Variants in EFHB observed in about 807,000 individuals in gnomAD.
EFHB encodes EF-hand domain family member B, also known as EF-hand domain-containing family member B.
EFHB carries 91 observed loss-of-function variants against 87.2 expected under a neutral mutation model. That is an observed-to-expected ratio of 1.04 (90% CI 0.88 to 1.24). The LOEUF (loss-of-function observed/expected upper bound fraction) is 1.24, where lower values mean the gene tolerates loss of function less well. Among genes scored for constraint, EFHB ranks in the 50% most tolerant of loss-of-function variants. EFHB has a pLI of 0.00. For missense variants in EFHB, 1,084 were observed against 998.8 expected, an observed-to-expected ratio of 1.09 and a Z score of -1.15; for synonymous variants, 325 against 333.6, an observed-to-expected ratio of 0.97 and a Z score of 0.28.
intron 1 of EFHB, among the ~76,000 whole-genome samples, chr3:19,924,202 T>TTC (rs1226276720): frequency 1.3e-5 from 2 of 151,896 alleles, no homozygotes; most frequent in Non-Finnish European, 2.9e-5. Context: ...AAGTTTTCTT[T>TTC]TCTCTCTCTC....
intron 5 of EFHB, among the ~76,000 whole-genome samples, chr3:19,907,147 A>T (rs939521746): frequency 6.6e-6 from 1 of 152,164 alleles, no homozygotes; most frequent in African/African-American, 2.4e-5. Flanking sequence ...GATGTCTTAG[A>T]TACAAAAGCT....
In EFHB at chr3:19,943,537, A is replaced by C. The variant is rs77513148; in HGVS notation, c.-32+3382T>G. Among the ~76,000 whole-genome samples, 187 of 152,308 alleles carry C rather than the reference A, an allele frequency of 1.2e-3. 6 individuals carry two copies. In the East Asian group the frequency reaches 0.034, roughly 28 times the overall value. ...GAATACAGTTAGCCCTCTGTATTCC[A>C]TCGAAAGTATTTGAGTTAAAAAATG... On this transcript the variant is annotated intron_variant, in intron 1 of 14. Transcript: ENST00000344838.
intron 12 of EFHB, among the ~76,000 whole-genome samples, chr3:19,881,806 G>C (rs1209041447): frequency 6.6e-6 from 1 of 152,074 alleles, no homozygotes; most frequent in East Asian, 1.9e-4. Context: ...CTCCAGCTAT[G>C]AAGGTTCTGA....
chr3:19,921,458 G>A (rs537584864), intron 1 of EFHB, among the ~76,000 whole-genome samples: 24 of 152,122 alleles, frequency 1.6e-4, no homozygotes, highest in Admixed American at 1.2e-3. Context: ...TGAATTATTA[G>A]ACTCCAGTTT....
intron 8 of EFHB, among the ~76,000 whole-genome samples, chr3:19,897,302 T>C (rs765044450): frequency 6.6e-5 from 10 of 152,238 alleles, no homozygotes; most frequent in Non-Finnish European, 1.5e-4. Flanking sequence ...GAGTTTCCAG[T>C]TGGCCGTCAG....
chr3:19,883,784 A>G (rs540588791), intron 11 of EFHB, among the ~76,000 whole-genome samples: 1 of 152,360 alleles, frequency 6.6e-6, no homozygotes, highest in South Asian at 2.1e-4. Context: ...ATGAAGGCAG[A>G]GATCAGGGTG....
At chr3:19,907,271 T>C (rs1250101565) in intron 5 of EFHB, among the ~76,000 whole-genome samples, 1 of 151,910 alleles carries the variant, frequency 6.6e-6, no homozygotes, top group Non-Finnish European at 1.5e-5. Flanking sequence ...GGGAAAAAAA[T>C]ATTTGCAAAC....
At chr3:19,889,622 G>T (rs1439451368) in intron 9 of EFHB, among the ~76,000 whole-genome samples, 1 of 152,156 alleles carries the variant, frequency 6.6e-6, no homozygotes, top group Admixed American at 6.5e-5. Flanking sequence ...CAGACCCACA[G>T]CCCTGGAAAA....
In EFHB at chr3:19,898,796, G is replaced by C; in HGVS notation, c.1552C>G (p.Leu518Val). Residue 518 changes from leucine (L) to valine (V), a missense_variant, in exon 8 of 13, where the codon CTC becomes GTC. Physicochemically the swap from Leu to Val is conservative, Grantham distance 32. Transcript: ENST00000295824. Reference protein sequence around the residue: ...VPPDCTFGACLRPEEYGVGDL... With the variant: ...VPPDCTFGACVRPEEYGVGDL... ...TATTTACCATATTCCTCAGGACGGA[G>C]ACAAGCTCCAAATGTGCAGTCTGGG... 6.2e-7 allele frequency: 1 copy of C among 1,613,754 alleles called. No homozygotes were observed. Among genetic ancestry groups the C allele is most frequent in the African/African-American group, 1.3e-5 (1 of 75,050 alleles).
intron 4 of EFHB, among the ~76,000 whole-genome samples, chr3:19,916,925 C>T (rs1008666613): frequency 6.6e-6 from 1 of 152,128 alleles, no homozygotes; most frequent in Non-Finnish European, 1.5e-5. Flanking sequence ...GAACATTACA[C>T]TTAATAATAC....
At chr3:19,891,474 C>A (rs1326746702) in intron 9 of EFHB, among the ~76,000 whole-genome samples, 1 of 152,208 alleles carries the variant, frequency 6.6e-6, no homozygotes, top group African/African-American at 2.4e-5. Context: ...GCCTGTTTCA[C>A]TTATAGTCTG....
In EFHB at chr3:19,919,977, C is replaced by A. The variant is rs759808048; in HGVS notation, c.853-1G>T. The A allele has an allele frequency of 6.2e-7, 1 of 1,613,426 alleles. No individual in the cohort carries two copies. The highest frequency in any genetic ancestry group is 8.5e-7 in the Non-Finnish European group (1 of 1,179,648). On this transcript the variant is annotated splice_acceptor_variant, in intron 2 of 12. Coordinates refer to ENST00000295824, the MANE Select transcript of EFHB (RefSeq NM_144715.4). LOFTEE classifies it high-confidence loss of function. The stretch of plus-strand genomic sequence containing the variant: ...TTTTTGCTTCAGGTGGAGTAATTAG[C>A]TACAAAGAGTGAGGCAAGAAAATAG...
At chr3:19,938,494 C>T (rs1179157703), upstream of EFHB, among the ~76,000 whole-genome samples, 3 of 152,038 alleles carry the variant, frequency 2.0e-5, no homozygotes. Context: ...TAGTAAAATG[C>T]TAATTGTAGA....
chr3:19,887,248 GGCACA>G, intron 10 of EFHB, among the ~76,000 whole-genome samples: 1 of 151,916 alleles, frequency 6.6e-6, no homozygotes, highest in Admixed American at 6.6e-5. Context: ...CAGGCATGGT[GGCACA>G]CACCTGCCAT....
At chr3:19,941,449 C>G (rs531189568) in intron 1 of EFHB, 131 of 159,732 alleles carry the variant, frequency 8.2e-4, no homozygotes, top group Non-Finnish European at 9.9e-4. Context: ...TTGAACTCAG[C>G]AATAAAATGG....
At chr3:19,915,803 T>C (rs908586984) in intron 4 of EFHB, among the ~76,000 whole-genome samples, 1 of 149,884 alleles carries the variant, frequency 6.7e-6, no homozygotes, top group Non-Finnish European at 1.5e-5. Context: ...TGAAACGCCA[T>C]CTCTACTGAA....
rs775455680 is a variant in EFHB at position 19,879,686 on chromosome 3, T to C, written c.2447A>G (p.Asn816Ser). 8.1e-6 allele frequency: 13 copies of C among 1,609,862 alleles called. No individual in the cohort carries two copies. The highest frequency in any genetic ancestry group is 1.1e-5 in the Non-Finnish European group (13 of 1,178,896). The stretch of plus-strand genomic sequence containing the variant: ...TGCATGCCGTAGCTCATCTAGAACA[T>C]TTCTGATGTTCTCAACACAAACTTC... ...RGEVCVENIRNVLDELRHADR... is the reference protein window; with the variant it reads ...RGEVCVENIRSVLDELRHADR... Residue 816 changes from asparagine (N) to serine (S), a missense_variant, in exon 13 of 13, where the codon AAT becomes AGT. Physicochemically the swap from Asn to Ser is conservative, Grantham distance 46. Coordinates refer to ENST00000295824, the MANE Select transcript of EFHB (RefSeq NM_144715.4).
Position 19,933,940 on chromosome 3 carries a change from G to A in EFHB, c.79C>T (p.Pro27Ser). 1 of 1,613,760 alleles carries A rather than the reference G, an allele frequency of 6.2e-7. No individual in the cohort carries two copies. Among genetic ancestry groups the A allele is most frequent in the Middle Eastern group, 1.6e-4 (1 of 6,062 alleles). Residue 27 changes from proline (P) to serine (S), a missense_variant, in exon 1 of 13, where the codon CCC (proline) becomes TCC (serine). Pro to Ser is a moderately conservative substitution (Grantham distance 74). Coordinates refer to ENST00000295824, the MANE Select transcript of EFHB (RefSeq NM_144715.4). Reference protein sequence around the residue: ...DKRVIMGTKFPMELGIRVGLG... With the variant: ...DKRVIMGTKFSMELGIRVGLG... ...CCTACTCTGATCCCCAACTCCATGG[G>A]AAATTTTGTTCCCATGATGACCCTC...
intron 3 of EFHB, among the ~76,000 whole-genome samples, chr3:19,919,143 C>A (rs994903435): frequency 6.6e-6 from 1 of 152,096 alleles, no homozygotes; most frequent in African/African-American, 2.4e-5. Flanking sequence ...TACTCAATGT[C>A]CATATAAGTA....
Sources: allele counts gnomAD v4.1 joint callset (sites outside exome capture counted in the v4.1 genomes callset), GRCh38; gene constraint gnomAD v4.1.1; transcripts MANE v1.5; gene names NCBI Gene and HGNC (gene_info 2026-07-23, HGNC 2026-07-21).